The following SLC24A3 variants were observed in gnomAD, a reference collection of about 807,000 sequenced individuals.
The protein encoded by SLC24A3 is sodium/potassium/calcium exchanger 3.
SLC24A3 carries 28 observed loss-of-function variants against 75.8 expected under a neutral mutation model. That is an observed-to-expected ratio of 0.37 (90% CI 0.27 to 0.51). SLC24A3 has a LOEUF of 0.51. Ranked by LOEUF, SLC24A3 falls within the 20% of genes least tolerant of loss-of-function variation. The pLI is 0.94. For missense variants in SLC24A3, 663 were observed against 847.8 expected (o/e 0.78, Z 2.71); for synonymous variants, 372 against 334.1 (o/e 1.11, Z -1.24).
At chr20:19,643,302 GT>G (rs2032097054) in intron 6 of SLC24A3, among the ~76,000 whole-genome samples, 1 of 152,166 alleles carries the variant, frequency 6.6e-6, no homozygotes. Context: ...TCCTGATACT[GT>G]GAAAGTCCCC....
rs1182462236 is a variant in SLC24A3, at chr20:19,717,013, G to T, written c.1720-515G>T. On this transcript the variant is annotated intron_variant, in intron 15 of 16. Transcript: ENST00000328041. ...TTTAACTTTTTCTTCTGTTTTGTTT[G>T]CTCACAACAGCAACCCTCCTCCACT... 3.9e-5 allele frequency among the ~76,000 whole-genome samples: 6 copies of T among 152,246 alleles called. No homozygotes were observed. The South Asian group carries it at 1.0e-3, about 26-fold the overall frequency.
intron 14 of SLC24A3, 113 bp downstream of exon 14, chr20:19,697,024 G>C: frequency 1.9e-6 from 1 of 534,910 alleles, no homozygotes; most frequent in Non-Finnish European, 3.4e-6. Context: ...GAAAGGGAGG[G>C]AGAAGAGAAG....
At chr20:19,560,930 T>A (rs1251310282) in intron 3 of SLC24A3, among the ~76,000 whole-genome samples, 1 of 152,174 alleles carries the variant, frequency 6.6e-6, no homozygotes, top group African/African-American at 2.4e-5. Flanking sequence ...CACTTAATAA[T>A]TAGAATCATA....
intron 3 of SLC24A3, among the ~76,000 whole-genome samples, chr20:19,562,165 A>G (rs1187369140): frequency 1.3e-5 from 2 of 152,154 alleles, no homozygotes; most frequent in African/African-American, 4.8e-5. Context: ...TGGAAGCATG[A>G]TTAAATTTTA....
At chr20:19,506,455 G>C (rs1988463850) in intron 2 of SLC24A3, among the ~76,000 whole-genome samples, 1 of 152,062 alleles carries the variant, frequency 6.6e-6, no homozygotes. Flanking sequence ...GAAAAAAGGG[G>C]GTAATTTGTT....
intron 9 of SLC24A3, among the ~76,000 whole-genome samples, chr20:19,674,558 C>A (rs188244705): frequency 6.6e-5 from 10 of 152,260 alleles, no homozygotes; most frequent in Non-Finnish European, 1.5e-4. Flanking sequence ...CCTGCAGCAC[C>A]TTTTATAATA....
At chr20:19,219,534 G>T (rs1052959719) in intron 1 of SLC24A3, among the ~76,000 whole-genome samples, 2 of 152,132 alleles carry the variant, frequency 1.3e-5, no homozygotes, top group African/African-American at 4.8e-5. Context: ...ATGAGAGATC[G>T]GGATGAGAAA....
At chr20:19,564,276 C>T (rs6075534) in intron 3 of SLC24A3, among the ~76,000 whole-genome samples, 1 of 152,190 alleles carries the variant, frequency 6.6e-6, no homozygotes, top group Non-Finnish European at 1.5e-5. Flanking sequence ...TCTGAGCTTC[C>T]TCTCATGTTG....
At chr20:19,608,643 A>C (rs1280421963) in intron 6 of SLC24A3, among the ~76,000 whole-genome samples, 3 of 152,186 alleles carry the variant, frequency 2.0e-5, no homozygotes, top group Non-Finnish European at 4.4e-5. Context: ...AAGAATAATA[A>C]TATGTTTTTT....
At chr20:19,234,463 G>A (rs1193482396) in intron 1 of SLC24A3, among the ~76,000 whole-genome samples, 3 of 152,240 alleles carry the variant, frequency 2.0e-5, no homozygotes, top group African/African-American at 4.8e-5. Context: ...CACTTCAGAT[G>A]AAATGCCAAG....
chr20:19,460,059 T>G (rs1367597852), intron 2 of SLC24A3, among the ~76,000 whole-genome samples: 1 of 151,850 alleles, frequency 6.6e-6, no homozygotes, highest in Non-Finnish European at 1.5e-5. Flanking sequence ...TGGGCCAGGG[T>G]GAGGGTGAGG....
chr20:19,677,062 C>T (rs751360169), intron 9 of SLC24A3, among the ~76,000 whole-genome samples: 2 of 152,110 alleles, frequency 1.3e-5, no homozygotes, highest in Non-Finnish European at 2.9e-5. Flanking sequence ...CTTAGTTTAA[C>T]CTGGTATCCA....
At chr20:19,341,139 G>A (rs958467040) in intron 2 of SLC24A3, among the ~76,000 whole-genome samples, 1 of 152,216 alleles carries the variant, frequency 6.6e-6, no homozygotes, top group Non-Finnish European at 1.5e-5. Flanking sequence ...ATTGGTCTGG[G>A]ATGTGGTCTG....
At chr20:19,351,123 G>A (rs6136687) in intron 2 of SLC24A3, among the ~76,000 whole-genome samples, 8,301 of 152,244 alleles carry the variant, frequency 0.055, 595 homozygotes, top group East Asian at 0.25. Flanking sequence ...AGGGTCTCTT[G>A]GGAGGGTGAT....
At chr20:19,388,637 G>A (rs1414555300) in intron 2 of SLC24A3, among the ~76,000 whole-genome samples, 4 of 152,162 alleles carry the variant, frequency 2.6e-5, no homozygotes, top group Non-Finnish European at 4.4e-5. Flanking sequence ...GTGTGAACCC[G>A]GGAGATGGAG....
At chr20:19,587,692 T>C (rs1370797801) in intron 6 of SLC24A3, among the ~76,000 whole-genome samples, 1 of 152,198 alleles carries the variant, frequency 6.6e-6, no homozygotes, top group Non-Finnish European at 1.5e-5. Flanking sequence ...TGGGTTTAAA[T>C]CCTGATTCTG....
intron 2 of SLC24A3, among the ~76,000 whole-genome samples, chr20:19,459,057 A>C (rs1987627017): frequency 6.6e-6 from 1 of 152,126 alleles, no homozygotes; most frequent in African/African-American, 2.4e-5. Flanking sequence ...GGATCATTGA[A>C]ATATTCTGAG....
intron 2 of SLC24A3, among the ~76,000 whole-genome samples, chr20:19,408,187 G>T (rs1986681831): frequency 1.3e-5 from 2 of 152,090 alleles, no homozygotes; most frequent in African/African-American, 4.8e-5. Flanking sequence ...TTGGAGAAAA[G>T]TTGTAAAACA....
chr20:19,449,198 G>GTTC (rs10675831), intron 2 of SLC24A3, among the ~76,000 whole-genome samples: 10,390 of 152,194 alleles, frequency 0.068, 1,125 homozygotes, highest in African/African-American at 0.23. Context: ...TGCAGGCAGA[G>GTTC]TTCTCTACCA....
Sources: allele counts gnomAD v4.1 joint callset (sites outside exome capture counted in the v4.1 genomes callset), GRCh38; gene constraint gnomAD v4.1.1; transcripts MANE v1.5; gene names NCBI Gene and HGNC (gene_info 2026-07-23, HGNC 2026-07-21).